Variants in PPP2R2B observed in about 807,000 individuals in gnomAD.
PPP2R2B encodes protein phosphatase 2 regulatory subunit Bbeta.
In PPP2R2B, 5 loss-of-function variants were observed where a neutral mutation model predicts 46.0. The observed-to-expected ratio is 0.11, with a 90% CI of 0.06 to 0.23. The LOEUF is 0.23. Ranked by LOEUF, PPP2R2B falls within the 10% of genes least tolerant of loss-of-function variation. PPP2R2B has a pLI of 1.00. For missense variants in PPP2R2B, 367 were observed against 575.0 expected, an observed-to-expected ratio of 0.64 and a Z score of 3.70; for synonymous variants, 215 against 206.7, an observed-to-expected ratio of 1.04 and a Z score of -0.34.
In PPP2R2B at chr5:146,786,059, T is replaced by C. The variant is rs143231360; in HGVS notation, c.71-84917A>G. Among the ~76,000 whole-genome samples the C allele has an allele frequency of 4.8e-3, 733 of 152,076 alleles. 4 individuals are homozygous for C. Among genetic ancestry groups the C allele is most frequent in the African/African-American group, 0.017 (695 of 41,490 alleles). Reference sequence around the variant, plus strand: ...GTATCTTCTCAACATGAAGGAATAATAAAATCTTTGAGGTGATGGATATCC... The same window carrying C: ...GTATCTTCTCAACATGAAGGAATAACAAAATCTTTGAGGTGATGGATATCC... On this transcript the variant is annotated intron_variant, in intron 2 of 9. Transcript: ENST00000394411.
intron 2 of PPP2R2B, among the ~76,000 whole-genome samples, chr5:146,825,215 C>T (rs1413401738): frequency 6.6e-6 from 1 of 152,128 alleles, no homozygotes; most frequent in Non-Finnish European, 1.5e-5. Flanking sequence ...TATGGAACAA[C>T]CCTTCAGAGG....
chr5:147,080,916 T>A (rs917245153), intron 2 of PPP2R2B: 9 of 724,082 alleles, frequency 1.2e-5, no homozygotes, highest in Non-Finnish European at 2.0e-5. Context: ...AGAAAGAAGT[T>A]ATTAAATCCA....
rs533189502 is a variant in PPP2R2B at position 146,661,814 on chromosome 5, A to G, written c.448-11090T>C. Reference sequence around the variant, plus strand: ...TTTTATGCCAATATCACTATTTCTCAAAGTGTGTTTCCCTGTTCACTGCCT... The same window carrying G: ...TTTTATGCCAATATCACTATTTCTCGAAGTGTGTTTCCCTGTTCACTGCCT... On this transcript the variant is annotated intron_variant, in intron 5 of 9. Transcript: ENST00000394411. 3.3e-5 allele frequency among the ~76,000 whole-genome samples: 5 copies of G among 152,234 alleles called. No individual in the cohort carries two copies. The South Asian group carries it at 1.0e-3, about 32-fold the overall frequency.
chr5:146,737,029 T>C (rs551729860), intron 2 of PPP2R2B, among the ~76,000 whole-genome samples: 1 of 152,358 alleles, frequency 6.6e-6, no homozygotes, highest in African/African-American at 2.4e-5. Context: ...CCTTTTAACA[T>C]GTAATGAATA....
At chr5:146,926,110 A>T (rs1763774446) in intron 1 of PPP2R2B, among the ~76,000 whole-genome samples, 1 of 152,134 alleles carries the variant, frequency 6.6e-6, no homozygotes, top group Non-Finnish European at 1.5e-5. Flanking sequence ...GCTGCCTTGA[A>T]ATTTTTGTCC....
chr5:146,735,383 C>T (rs1752476433), intron 2 of PPP2R2B, among the ~76,000 whole-genome samples: 1 of 151,982 alleles, frequency 6.6e-6, no homozygotes, highest in African/African-American at 2.4e-5. Context: ...ACAGAGAACC[C>T]TGAGGGGATT....
intron 1 of PPP2R2B, among the ~76,000 whole-genome samples, chr5:146,997,706 A>T (rs1236327063): frequency 6.6e-6 from 1 of 152,202 alleles, no homozygotes; most frequent in Admixed American, 6.5e-5. Context: ...CAGTAATATA[A>T]TGTGGTAAAA....
intron 7 of PPP2R2B, among the ~76,000 whole-genome samples, chr5:146,632,821 C>A: frequency 6.6e-6 from 1 of 152,026 alleles, no homozygotes; most frequent in East Asian, 1.9e-4. Context: ...TGTGCAAAGG[C>A]CCTGAGGTGG....
At chr5:147,032,102 A>C (rs1755812332) in intron 1 of PPP2R2B, among the ~76,000 whole-genome samples, 1 of 152,230 alleles carries the variant, frequency 6.6e-6, no homozygotes, top group African/African-American at 2.4e-5. Flanking sequence ...CAGCAGAGTA[A>C]ACAGACAACC....
chr5:147,036,206 C>A (rs1293984893), intron 1 of PPP2R2B, among the ~76,000 whole-genome samples: 1 of 152,142 alleles, frequency 6.6e-6, no homozygotes, highest in Non-Finnish European at 1.5e-5. Flanking sequence ...GTGTTGTTCC[C>A]CCAATGTGTC....
At chr5:146,829,943 T>C (rs1350025809) in intron 2 of PPP2R2B, among the ~76,000 whole-genome samples, 1 of 152,176 alleles carries the variant, frequency 6.6e-6, no homozygotes, top group East Asian at 1.9e-4. Flanking sequence ...GGGCAAGCTT[T>C]TGAAGTTGGT....
intron 1 of PPP2R2B, among the ~76,000 whole-genome samples, chr5:146,912,643 T>C (rs1039988610): frequency 6.6e-6 from 1 of 151,896 alleles, no homozygotes; most frequent in African/African-American, 2.4e-5. Context: ...TAGCTGGGAT[T>C]ACAGGCGTGT....
chr5:146,936,162 T>C (rs1306364735), intron 1 of PPP2R2B, among the ~76,000 whole-genome samples: 1 of 152,140 alleles, frequency 6.6e-6, no homozygotes, highest in Non-Finnish European at 1.5e-5. Flanking sequence ...TGTTGACATT[T>C]TGGGGTAGGG....
At chr5:146,938,333 G>A (rs1280926326) in intron 1 of PPP2R2B, among the ~76,000 whole-genome samples, 1 of 152,114 alleles carries the variant, frequency 6.6e-6, no homozygotes, top group East Asian at 1.9e-4. Flanking sequence ...CAAATGGTCA[G>A]AAATTCTAAA....
At chr5:146,657,238 G>A (rs542915489) in intron 5 of PPP2R2B, among the ~76,000 whole-genome samples, 1 of 152,146 alleles carries the variant, frequency 6.6e-6, no homozygotes, top group East Asian at 1.9e-4. Context: ...CATGAGAGGA[G>A]TTTTTCACAG....
rs184911890 is a variant in PPP2R2B at position 146,646,022 on chromosome 5, C to T, written c.625+4525G>A. ...ATCTTAACTAATTCTTCAGCAAAGCCTTCCCTGGTCTATAGCAGGATTTTT... is the reference window on the plus strand; with the variant it reads ...ATCTTAACTAATTCTTCAGCAAAGCTTTCCCTGGTCTATAGCAGGATTTTT... On this transcript the variant is annotated intron_variant, in intron 6 of 9. Transcript: ENST00000394411. Among the ~76,000 whole-genome samples the T allele has an allele frequency of 1.4e-4, 22 of 152,334 alleles. No homozygotes were observed. The South Asian group carries it at 2.3e-3, about 16-fold the overall frequency.
chr5:146,699,404 C>G (rs1245129969), intron 3 of PPP2R2B, among the ~76,000 whole-genome samples: 1 of 152,196 alleles, frequency 6.6e-6, no homozygotes, highest in South Asian at 2.1e-4. Context: ...CAAAGCTTAA[C>G]GCTTAACTGC....
intron 5 of PPP2R2B, among the ~76,000 whole-genome samples, chr5:146,654,598 G>A (rs1230645591): frequency 6.6e-6 from 1 of 152,128 alleles, no homozygotes; most frequent in African/African-American, 2.4e-5. Context: ...TAGTGTCTAG[G>A]CCTCTCCTCC....
chr5:146,592,196 G>T, intron 9 of PPP2R2B: 1 of 422,938 alleles, frequency 2.4e-6, no homozygotes. Context: ...TTCCAAGCCT[G>T]CTAAGGAGGG....
Sources: gnomAD v4.1 joint callset for allele counts (sites outside exome capture counted in the v4.1 genomes callset) on GRCh38, gnomAD v4.1.1 for gene constraint, MANE v1.5 for transcripts, NCBI Gene and HGNC (gene_info 2026-07-23, HGNC 2026-07-21) for gene names.